The following NR3C2 variants were observed in gnomAD, a reference collection of about 807,000 sequenced individuals.
NR3C2 encodes mineralocorticoid receptor.
Under a neutral mutation model 86.4 loss-of-function variants are expected in NR3C2, and 15 were observed. The ratio of observed to expected loss-of-function variants is 0.17; its 90% confidence interval spans 0.12 to 0.27. The LOEUF is 0.27. NR3C2 is among the 10% of genes least tolerant of loss of function. The probability of loss-of-function intolerance (pLI) is 1.00; values close to 1 mark genes in which losing one functional copy is unlikely to be tolerated. For missense variants in NR3C2, 960 were observed against 1,195.6 expected, an observed-to-expected ratio of 0.80 and a Z score of 2.91; for synonymous variants, 458 against 450.5, an observed-to-expected ratio of 1.02 and a Z score of -0.21.
At chr4:148,311,625 C>T (rs1198964106) in intron 2 of NR3C2, among the ~76,000 whole-genome samples, 1 of 152,204 alleles carries the variant, frequency 6.6e-6, no homozygotes, top group East Asian at 1.9e-4. Context: ...ACATAGCAGC[C>T]AGAGTAATCT....
chr4:148,415,315 G>A (rs1748938157), intron 2 of NR3C2, among the ~76,000 whole-genome samples: 1 of 152,144 alleles, frequency 6.6e-6, no homozygotes, highest in Admixed American at 6.5e-5. Context: ...TAATATAGAG[G>A]AGAAATAAAT....
intron 3 of NR3C2, among the ~76,000 whole-genome samples, chr4:148,238,964 G>T (rs1738879761): frequency 6.6e-6 from 1 of 152,132 alleles, no homozygotes; most frequent in South Asian, 2.1e-4. Context: ...TCAAACACAG[G>T]GAACTCTGAG....
In NR3C2 at chr4:148,179,989, GA is replaced by G. The variant is rs200637734; in HGVS notation, c.2014+14756del. Among the ~76,000 whole-genome samples the G allele has an allele frequency of 6.9e-4, 104 of 151,540 alleles. 3 individuals are homozygous for G. The highest frequency in any genetic ancestry group is 8.1e-4 in the Non-Finnish European group (55 of 67,734). On this transcript the variant is annotated intron_variant, in intron 4 of 8. Transcript: ENST00000358102. ...TGTCTATAAGCAAGGAGAATGGAAA[GA>G]AAAAAAATCTGAGGAATAGTATCTC...
rs17024561 is a variant in NR3C2 at position 148,286,738 on chromosome 4, T to C, written c.1758-26621A>G. 5.1e-3 allele frequency among the ~76,000 whole-genome samples: 765 copies of C among 150,482 alleles called. 8 individuals are homozygous for C. The highest frequency in any genetic ancestry group is 0.019 in the African/African-American group (741 of 39,778). On this transcript the variant is annotated intron_variant, in intron 2 of 8. Coordinates refer to ENST00000358102, the MANE Select transcript of NR3C2 (RefSeq NM_000901.5). ...ATACAGGGTTAAAAAAATGCTTCTATGATTGTACACAGATTTCAATAAATT... is the reference window on the plus strand; with the variant it reads ...ATACAGGGTTAAAAAAATGCTTCTACGATTGTACACAGATTTCAATAAATT...
chr4:148,351,991 A>G (rs2149993580), intron 2 of NR3C2, among the ~76,000 whole-genome samples: 1 of 152,308 alleles, frequency 6.6e-6, no homozygotes, highest in South Asian at 2.1e-4. Flanking sequence ...TGTGTGGTTG[A>G]AAAATGAGGG....
chr4:148,197,143 A>C (rs1736478986), intron 3 of NR3C2, among the ~76,000 whole-genome samples: 1 of 152,234 alleles, frequency 6.6e-6, no homozygotes, highest in Non-Finnish European at 1.5e-5. Context: ...GTTTTTCTAA[A>C]TACTAATTTG....
At chr4:148,096,848 C>T (rs1169494131) in intron 8 of NR3C2, among the ~76,000 whole-genome samples, 2 of 152,130 alleles carry the variant, frequency 1.3e-5, no homozygotes, top group African/African-American at 2.4e-5. Context: ...ATTGTGTGGC[C>T]CACAGAGCCT....
chr4:148,304,448 A>G (rs72728492), intron 2 of NR3C2, among the ~76,000 whole-genome samples: 29,649 of 148,804 alleles, frequency 0.2, 3,104 homozygotes, highest in Admixed American at 0.28. Flanking sequence ...GTGTTTTCTA[A>G]TAACTCAGTT....
intron 2 of NR3C2, among the ~76,000 whole-genome samples, chr4:148,300,187 C>T (rs1367851370): frequency 6.6e-6 from 1 of 152,216 alleles, no homozygotes; most frequent in Non-Finnish European, 1.5e-5. Flanking sequence ...CATGGCAATG[C>T]TTTGTTTGGC....
At chr4:148,369,682 T>G (rs1746319607) in intron 2 of NR3C2, among the ~76,000 whole-genome samples, 1 of 152,210 alleles carries the variant, frequency 6.6e-6, no homozygotes, top group African/African-American at 2.4e-5. Flanking sequence ...AAATGGATTG[T>G]GCCCACTCTG....
chr4:148,184,657 A>G (rs1195348667), intron 4 of NR3C2, among the ~76,000 whole-genome samples: 1 of 152,174 alleles, frequency 6.6e-6, no homozygotes, highest in East Asian at 1.9e-4. Context: ...CTTCCTAGCA[A>G]GTGCTTTTTT....
chr4:148,394,772 G>A (rs1169348949), intron 2 of NR3C2, among the ~76,000 whole-genome samples: 1 of 152,128 alleles, frequency 6.6e-6, no homozygotes, highest in African/African-American at 2.4e-5. Flanking sequence ...AAGATAATCT[G>A]GGGAAAGAAC....
intron 4 of NR3C2, among the ~76,000 whole-genome samples, chr4:148,170,669 A>C (rs1262064340): frequency 1.3e-5 from 2 of 152,234 alleles, no homozygotes; most frequent in African/African-American, 4.8e-5. Flanking sequence ...AGATGGGTGA[A>C]TTCTATAAAA....
At chr4:148,384,186 A>G (rs1007442378) in intron 2 of NR3C2, among the ~76,000 whole-genome samples, 7 of 151,980 alleles carry the variant, frequency 4.6e-5, no homozygotes, top group African/African-American at 1.7e-4. Context: ...TTCTATTACC[A>G]AAAATATTTT....
intron 2 of NR3C2, among the ~76,000 whole-genome samples, chr4:148,263,091 C>A (rs1740209717): frequency 6.6e-6 from 1 of 152,118 alleles, no homozygotes; most frequent in South Asian, 2.1e-4. Context: ...CATTCCTTTT[C>A]TTTTATTTCT....
intron 3 of NR3C2, among the ~76,000 whole-genome samples, chr4:148,251,837 T>C (rs955275224): frequency 1.3e-5 from 2 of 152,084 alleles, no homozygotes; most frequent in Non-Finnish European, 2.9e-5. Context: ...TGGGTAAGAG[T>C]TAATTATTTA....
At chr4:148,363,739 G>C (rs896425178) in intron 2 of NR3C2, among the ~76,000 whole-genome samples, 2 of 152,016 alleles carry the variant, frequency 1.3e-5, no homozygotes, top group African/African-American at 4.8e-5. Context: ...TCCTGACCTT[G>C]TGATCCACCC....
At chr4:148,284,782 A>T (rs951720885) in intron 2 of NR3C2, among the ~76,000 whole-genome samples, 2 of 152,144 alleles carry the variant, frequency 1.3e-5, no homozygotes, top group Admixed American at 6.5e-5. Context: ...AAATTTTCTG[A>T]CCTTCAAAGA....
At chr4:148,150,013 G>A (rs755833846) in intron 6 of NR3C2, among the ~76,000 whole-genome samples, 2 of 152,158 alleles carry the variant, frequency 1.3e-5, no homozygotes, top group Non-Finnish European at 2.9e-5. Context: ...GTTAAACACA[G>A]AGGCACCATA....
Sources: gnomAD v4.1 joint callset for allele counts (sites outside exome capture counted in the v4.1 genomes callset) on GRCh38, gnomAD v4.1.1 for gene constraint, MANE v1.5 for transcripts, NCBI Gene and HGNC (gene_info 2026-07-23, HGNC 2026-07-21) for gene names.